CHMP3: variants seen among roughly 807,000 people sequenced by gnomAD.
CHMP3 encodes charged multivesicular body protein 3.
CHMP3 carries 8 observed loss-of-function variants against 27.4 expected under a neutral mutation model. That is an observed-to-expected ratio of 0.29 (90% CI 0.17 to 0.53). CHMP3 has a LOEUF of 0.53. Among genes scored for constraint, CHMP3 ranks in the 20% least tolerant of loss-of-function variants. The pLI is 0.96. For synonymous variants in CHMP3, 86 were observed against 85.5 expected (o/e 1.01, Z -0.03); for missense variants, 208 against 271.5 (o/e 0.77, Z 1.64).
chr2:86,548,695 ACT>A (rs1467950953), intron 1 of CHMP3, among the ~76,000 whole-genome samples: 1 of 152,128 alleles, frequency 6.6e-6, no homozygotes, highest in African/African-American at 2.4e-5. Flanking sequence ...CTCGATGGTC[ACT>A]GTCTCTTCGG....
At chr2:86,512,475 C>T (rs1276672550) in intron 3 of CHMP3, 3 of 152,026 alleles carry the variant, frequency 2.0e-5, no homozygotes, top group Admixed American at 6.5e-5. Flanking sequence ...GAAACTAAGA[C>T]AGGTATTTAA....
intron 2 of CHMP3, 34 bp from the exon 3 acceptor site, chr2:86,529,431 T>C (rs1344369767): frequency 3.3e-6 from 5 of 1,530,968 alleles, no homozygotes; most frequent in African/African-American, 1.4e-5. Context: ...AAATCAAGGG[T>C]AAGTCAGGTT....
chr2:86,517,582 A>AG (rs896320377), intron 3 of CHMP3, among the ~76,000 whole-genome samples: 1 of 151,914 alleles, frequency 6.6e-6, no homozygotes, highest in African/African-American at 2.4e-5. Flanking sequence ...AAAAAAAAAA[A>AG]AAAATTAGTT....
At chr2:86,515,159 A>G (rs947206599) in intron 3 of CHMP3, 8 of 151,450 alleles carry the variant, frequency 5.3e-5, no homozygotes, top group African/African-American at 1.9e-4. Context: ...TGCCAGTCCC[A>G]CTGACAGCCC....
intron 2 of CHMP3, among the ~76,000 whole-genome samples, chr2:86,534,324 G>A (rs778289501): frequency 1.6e-4 from 23 of 144,402 alleles, no homozygotes; most frequent in African/African-American, 3.8e-4. Flanking sequence ...TCAGCCTCCC[G>A]TACCTGGGAT....
At chr2:86,512,715 C>T (rs1036652674) in intron 3 of CHMP3, among the ~76,000 whole-genome samples, 1 of 152,122 alleles carries the variant, frequency 6.6e-6, no homozygotes, top group African/African-American at 2.4e-5. Flanking sequence ...GGGCAAAAGA[C>T]CTGAACAGAT....
intron 2 of CHMP3, among the ~76,000 whole-genome samples, chr2:86,536,509 T>C (rs560728570): frequency 6.6e-6 from 1 of 151,512 alleles, no homozygotes; most frequent in Non-Finnish European, 1.5e-5. Context: ...AGGCCTTTTC[T>C]TTCAGTATTG....
chr2:86,560,476 G>T (rs377142907), intron 1 of CHMP3, among the ~76,000 whole-genome samples: 1 of 151,812 alleles, frequency 6.6e-6, no homozygotes, highest in Non-Finnish European at 1.5e-5. Flanking sequence ...ACCGAACACC[G>T]CATGTTCTCA....
In CHMP3 at chr2:86,529,381, T is replaced by C; in HGVS notation, c.123A>G (p.Glu41=). The change falls in exon 3 of 6, where the codon GAA becomes GAG. Residue 41 remains glutamate (E), a synonymous_variant. Coordinates refer to ENST00000263856, the MANE Select transcript of CHMP3 (RefSeq NM_016079.4). ...DRQIRDIQRE[E]EKVKRSVKDA... The stretch of plus-strand genomic sequence containing the variant: ...CTTTCACAGATCGTTTCACTTTTTC[T>C]TCTTCTCTTTGGATATCTAAATTTA... 1 of 1,599,636 alleles carries C rather than the reference T, an allele frequency of 6.3e-7. No homozygotes were observed. Among genetic ancestry groups the C allele is most frequent in the Admixed American group, 1.8e-5 (1 of 56,538 alleles).
intron 1 of CHMP3, among the ~76,000 whole-genome samples, chr2:86,546,360 A>C: frequency 1.8e-5 from 1 of 55,668 alleles, no homozygotes; most frequent in African/African-American, 6.5e-5. Flanking sequence ...GGGAGACCCG[A>C]AGGGAGGGGA....
At chr2:86,548,352 T>C (rs1409642559) in intron 1 of CHMP3, among the ~76,000 whole-genome samples, 3 of 152,214 alleles carry the variant, frequency 2.0e-5, no homozygotes, top group Non-Finnish European at 4.4e-5. Context: ...GCAGTATTTG[T>C]GTCCCTGGGT....
intron 1 of CHMP3, among the ~76,000 whole-genome samples, chr2:86,552,263 C>T (rs1011050333): frequency 1.4e-4 from 22 of 152,074 alleles, no homozygotes; most frequent in Admixed American, 5.2e-4. Flanking sequence ...TTGATACCAC[C>T]GGATATTATT....
intron 1 of CHMP3, among the ~76,000 whole-genome samples, chr2:86,558,254 T>A (rs570176515): frequency 6.6e-6 from 1 of 152,314 alleles, no homozygotes; most frequent in South Asian, 2.1e-4. Context: ...TTTTAAGGCA[T>A]CCTCATCCTC....
At chr2:86,536,278 G>A (rs929817110) in intron 2 of CHMP3, among the ~76,000 whole-genome samples, 3 of 152,134 alleles carry the variant, frequency 2.0e-5, no homozygotes, top group South Asian at 2.1e-4. Flanking sequence ...GATTACAGGC[G>A]TGAGCCACCA....
chr2:86,523,727 G>C (rs1443319746), intron 3 of CHMP3, among the ~76,000 whole-genome samples: 1 of 152,066 alleles, frequency 6.6e-6, no homozygotes, highest in Admixed American at 6.5e-5. Flanking sequence ...TTTAAAAAGA[G>C]AAGTGGGATA....
chr2:86,510,630 C>T (rs1477951534), intron 3 of CHMP3, 151 bp from the exon 4 acceptor site: 3 of 1,111,866 alleles, frequency 2.7e-6, no homozygotes, highest in African/African-American at 1.6e-5. Context: ...TGCTAGTTGA[C>T]CAAGAGATTG....
At chr2:86,508,567 C>G (rs1339317230) in intron 4 of CHMP3, among the ~76,000 whole-genome samples, 1 of 152,086 alleles carries the variant, frequency 6.6e-6, no homozygotes, top group South Asian at 2.1e-4. Context: ...GTCTTGCCAC[C>G]TGAAAAAACT....
At chr2:86,545,988 G>A (rs955438923) in intron 1 of CHMP3, among the ~76,000 whole-genome samples, 9 of 152,350 alleles carry the variant, frequency 5.9e-5, no homozygotes, top group African/African-American at 1.7e-4. Flanking sequence ...TGTAATCTTA[G>A]TACTTTGGGA....
intron 3 of CHMP3, among the ~76,000 whole-genome samples, chr2:86,524,325 TA>T (rs1467838637): frequency 6.6e-6 from 1 of 152,204 alleles, no homozygotes; most frequent in African/African-American, 2.4e-5. Flanking sequence ...CATATGTAAA[TA>T]CTTATAGATG....
Sources: gnomAD v4.1 joint callset for allele counts (sites outside exome capture counted in the v4.1 genomes callset) on GRCh38, gnomAD v4.1.1 for gene constraint, MANE v1.5 for transcripts, NCBI Gene and HGNC (gene_info 2026-07-23, HGNC 2026-07-21) for gene names.